The following HERC1 variants were observed in gnomAD, a reference collection of about 807,000 sequenced individuals.
The protein encoded by HERC1 is probable E3 ubiquitin-protein ligase HERC1.
In HERC1, 160 loss-of-function variants were observed where a neutral mutation model predicts 554.3. The observed-to-expected ratio is 0.29, with a 90% confidence interval of 0.25 to 0.33. The LOEUF (loss-of-function observed/expected upper bound fraction) is 0.33. Ranked by LOEUF, HERC1 falls within the 10% of genes least tolerant of loss-of-function variation. The pLI, the probability that HERC1 is intolerant of heterozygous loss-of-function variation, is 1.00. For missense variants in HERC1, 4,919 were observed against 5,918.5 expected (o/e 0.83, Z 5.54); for synonymous variants, 2,175 against 2,131.7 (o/e 1.02, Z -0.56).
chr15:63,669,934 G>A (rs2070818443), intron 39 of HERC1, among the ~76,000 whole-genome samples: 1 of 152,264 alleles, frequency 6.6e-6, no homozygotes, highest in African/African-American at 2.4e-5. Flanking sequence ...AACAAAGCAG[G>A]TTGGGGGAAT....
Position 63,669,674 on chromosome 15 carries a change from A to T in HERC1, c.8070T>A (p.Thr2690=). The T allele has an allele frequency of 6.2e-7, 1 of 1,613,884 alleles. No individual in the cohort carries two copies. Among genetic ancestry groups the T allele is most frequent in the Non-Finnish European group, 8.5e-7 (1 of 1,179,766 alleles). The stretch of plus-strand genomic sequence containing the variant: ...CCCGACGTGTGGGAAGTACAGTGGT[A>T]GTTGGGTAACTAGAGAACATTTGCC... The part of the protein sequence containing the change: ...LLRQMFSSYP[T]TTVLPTRRAQ... The change falls in exon 40 of 78, where the codon ACT becomes ACA. Residue 2690 remains threonine (T), a synonymous_variant. Transcript: ENST00000443617.
intron 1 of HERC1, among the ~76,000 whole-genome samples, chr15:63,815,005 C>T (rs141933666): frequency 3.3e-5 from 5 of 152,184 alleles, no homozygotes; most frequent in African/African-American, 1.2e-4. Context: ...AGTTCCAAAG[C>T]ATTTCTAAAT....
At chr15:63,821,116 T>C (rs536157545) in intron 1 of HERC1, among the ~76,000 whole-genome samples, 1 of 152,328 alleles carries the variant, frequency 6.6e-6, no homozygotes, top group Non-Finnish European at 1.5e-5. Flanking sequence ...ACAGTCCTCC[T>C]TTAGCTTAAG....
chr15:63,689,405 G>T (rs1362285750), intron 33 of HERC1, among the ~76,000 whole-genome samples, 184 bp downstream of exon 33: 1 of 152,040 alleles, frequency 6.6e-6, no homozygotes, highest in East Asian at 1.9e-4. Flanking sequence ...TTAGGAGAGA[G>T]GAAATGAGTT....
intron 14 of HERC1, among the ~76,000 whole-genome samples, chr15:63,730,402 T>C (rs1380044701): frequency 6.6e-6 from 1 of 151,982 alleles, no homozygotes; most frequent in Non-Finnish European, 1.5e-5. Flanking sequence ...GAAGCTGTAG[T>C]GAGCTATGAT....
rs147694097 is a variant in HERC1, at chr15:63,674,385, A to G, written c.7803T>C (p.Val2601=). The change falls in exon 38 of 78, where the codon GTT becomes GTC. Residue 2601 remains valine, a synonymous_variant. Transcript: ENST00000443617. The part of the protein sequence containing the change: ...RAQAMIYKLV[V]HGLLEDQFGG... ...CAAACTGGTCTTCCAAAAGCCCATG[A>G]ACCACTAATTTATAGATCATGGCTT... is the stretch of plus-strand genomic sequence containing the variant. The G allele has an allele frequency of 3.1e-4, 497 of 1,613,404 alleles. No homozygotes were observed. In the African/African-American group the frequency reaches 6.0e-3, roughly 20 times the overall value.
At chr15:63,737,470 TCTTTTTTCCAGATATATATATATAC>T (rs2074573419) in intron 12 of HERC1, among the ~76,000 whole-genome samples, 6 of 113,378 alleles carry the variant, frequency 5.3e-5, no homozygotes, top group Non-Finnish European at 9.4e-5. Context: ...TATATATATA[TCTTTTTTCCAGATATATATATATAC>T]ATATATATAT....
intron 68 of HERC1, chr15:63,632,143 T>C (rs1354983568): frequency 1.3e-5 from 2 of 154,936 alleles, no homozygotes; most frequent in African/African-American, 4.8e-5. Flanking sequence ...AACCAGCTCA[T>C]GTCCTCAGTC....
At chr15:63,788,309 T>G (rs1363993095) in intron 1 of HERC1, among the ~76,000 whole-genome samples, 1 of 152,216 alleles carries the variant, frequency 6.6e-6, no homozygotes, top group Non-Finnish European at 1.5e-5. Flanking sequence ...AATTTAACAG[T>G]TATTTACTGT....
chr15:63,610,563 C>T (rs2067540232), intron 77 of HERC1, among the ~76,000 whole-genome samples: 1 of 152,190 alleles, frequency 6.6e-6, no homozygotes, highest in Non-Finnish European at 1.5e-5. Flanking sequence ...AGCAACAAAA[C>T]AGATTTACAA....
Position 63,715,916 on chromosome 15 carries a change from TC to T in HERC1, c.4150+385del, listed in dbSNP as rs916168486. On this transcript the variant is annotated intron_variant, in intron 22 of 77. Transcript: ENST00000443617. ...CCACACGTGGAAAACATTATGGCTCTCCTAATAGGCATAGAAAGGGGCTCTC... is the reference window on the plus strand; with the variant it reads ...CCACACGTGGAAAACATTATGGCTCTCTAATAGGCATAGAAAGGGGCTCTC... 4.6e-5 allele frequency among the ~76,000 whole-genome samples: 7 copies of T among 152,310 alleles called. No homozygotes were observed. In the East Asian group the frequency reaches 1.2e-3, roughly 25 times the overall value.
intron 76 of HERC1, among the ~76,000 whole-genome samples, chr15:63,613,869 G>A (rs972290928): frequency 1.1e-4 from 16 of 152,234 alleles, no homozygotes; most frequent in East Asian, 5.8e-4. Context: ...GTCCCATAAG[G>A]ATCAGAGATT....
intron 1 of HERC1, among the ~76,000 whole-genome samples, chr15:63,786,914 A>ATTTTT (rs780871966): frequency 8.9e-5 from 12 of 135,538 alleles, no homozygotes; most frequent in Non-Finnish European, 1.5e-4. Context: ...AACTCAATAA[A>ATTTTT]TTATTATTTT....
At position 63,675,027 on chromosome 15, in the gene HERC1, G is replaced by A. The variant is rs1437707710; in HGVS notation, c.7161C>T (p.Gly2387=). The A allele has an allele frequency of 6.2e-7, 1 of 1,613,908 alleles. No homozygotes were observed. The highest frequency in any genetic ancestry group is 1.3e-5 in the African/African-American group (1 of 74,934). Residue 2387 remains glycine, a synonymous_variant, in exon 38 of 78, where the codon GGC becomes GGT. Coordinates refer to ENST00000443617, the MANE Select transcript of HERC1 (RefSeq NM_003922.4). ...GGTCCAGCAGCACAGAAGCCGTCAG[G>A]CCTCGGAATCGCGCCACATCAAACG... The part of the protein sequence containing the change: ...PLPFDVARFR[G]LTASVLLDLT...
intron 12 of HERC1, among the ~76,000 whole-genome samples, chr15:63,740,723 T>C (rs796668014): frequency 5.9e-5 from 9 of 152,350 alleles, no homozygotes; most frequent in African/African-American, 2.2e-4. Flanking sequence ...TTCTCTTCTC[T>C]AGAGATATGT....
chr15:63,826,394 C>T (rs1163848941), intron 1 of HERC1, among the ~76,000 whole-genome samples: 1 of 152,134 alleles, frequency 6.6e-6, no homozygotes, highest in African/African-American at 2.4e-5. Context: ...AAATAACTAC[C>T]ATACCATGGG....
intron 1 of HERC1, among the ~76,000 whole-genome samples, chr15:63,793,524 A>G (rs6494435): frequency 0.98 from 149,240 of 152,270 alleles, 73,214 homozygotes; most frequent in East Asian, 1. Flanking sequence ...CCCCTCTCCC[A>G]GAAAACTCAT....
chr15:63,746,803 A>G, intron 12 of HERC1, 115 bp downstream of exon 12: 1 of 921,622 alleles, frequency 1.1e-6, no homozygotes, highest in Non-Finnish European at 1.6e-6. Context: ...AAACAGGAGT[A>G]AGGGAAACAA....
At chr15:63,743,981 G>A (rs1377863038) in intron 12 of HERC1, among the ~76,000 whole-genome samples, 2 of 119,874 alleles carry the variant, frequency 1.7e-5, no homozygotes, top group East Asian at 3.9e-4. Context: ...GATCTAAACT[G>A]TATCTACGTT....
Sources: gnomAD v4.1 joint callset for allele counts (sites outside exome capture counted in the v4.1 genomes callset) on GRCh38, gnomAD v4.1.1 for gene constraint, MANE v1.5 for transcripts, NCBI Gene and HGNC (gene_info 2026-07-23, HGNC 2026-07-21) for gene names.